LIN9: variants seen among roughly 807,000 people sequenced by gnomAD.
LIN9 encodes the protein protein lin-9 homolog.
LIN9 carries 18 observed loss-of-function variants against 78.0 expected under a neutral mutation model. The ratio of observed to expected loss-of-function variants is 0.23; its 90% CI spans 0.16 to 0.34. The LOEUF is 0.34. LIN9 is among the 10% of genes least tolerant of loss of function. The probability of loss-of-function intolerance (pLI) is 1.00; values close to 1 mark genes in which losing one functional copy is unlikely to be tolerated. For missense variants in LIN9, 451 were observed against 644.1 expected (o/e 0.70, Z 3.25); for synonymous variants, 192 against 215.2 (o/e 0.89, Z 0.94).
At chr1:226,291,666 T>C (rs1661802963) in intron 4 of LIN9, among the ~76,000 whole-genome samples, 1 of 152,158 alleles carries the variant, frequency 6.6e-6, no homozygotes, top group Non-Finnish European at 1.5e-5. Flanking sequence ...TACAGGCAAG[T>C]TGCAAAGATA....
chr1:226,309,447 C>T (rs1047662421), upstream of LIN9: 10 of 1,083,658 alleles, frequency 9.2e-6, no homozygotes, highest in African/African-American at 1.7e-4. Flanking sequence ...AGTACCAGCT[C>T]CGGAGTCCCG....
rs1657408252 is a variant in LIN9 at position 226,232,613 on chromosome 1, A to G, written c.1524-7T>C. On this transcript the variant is annotated splice_region_variant and splice_polypyrimidine_tract_variant and intron_variant, in intron 14 of 14. Coordinates refer to ENST00000681046, the MANE Select transcript of LIN9 (RefSeq NM_001366245.2). ...TACATTATTCTGAAAGCAACTAAAG[A>G]AAGAAGAAACATGGTTAACTACTTT... 6.4e-7 allele frequency: 1 copy of G among 1,562,356 alleles called. No individual in the cohort carries two copies. Among genetic ancestry groups the G allele is most frequent in the Non-Finnish European group, 8.7e-7 (1 of 1,144,914 alleles).
chr1:226,288,894 CA>C (rs1158083299), intron 4 of LIN9, among the ~76,000 whole-genome samples: 1 of 151,778 alleles, frequency 6.6e-6, no homozygotes, highest in African/African-American at 2.4e-5. Flanking sequence ...TTTTCCTAGT[CA>C]AGTTGATTCT....
In LIN9 at chr1:226,306,643, C is replaced by G. The variant is rs917511917; in HGVS notation, c.31+2466G>C. ...TAAATGAGCAAATACATGTAATATC[C>G]TTTGCATGGCATCTGGTTCATAGTA... On this transcript the variant is annotated intron_variant, in intron 1 of 14. Transcript: ENST00000681046. Among the ~76,000 whole-genome samples, 5 of 152,118 alleles carry G rather than the reference C, an allele frequency of 3.3e-5. No individual in the cohort carries two copies. The East Asian group carries it at 9.6e-4, about 29-fold the overall frequency.
chr1:226,243,992 A>G (rs1658296859), intron 11 of LIN9, among the ~76,000 whole-genome samples: 1 of 151,142 alleles, frequency 6.6e-6, no homozygotes, highest in Non-Finnish European at 1.5e-5. Flanking sequence ...CTCCTGCCTC[A>G]GCCTCCCGAA....
intron 11 of LIN9, among the ~76,000 whole-genome samples, chr1:226,245,333 A>G (rs543463278): frequency 1.3e-5 from 2 of 152,266 alleles, no homozygotes; most frequent in African/African-American, 4.8e-5. Context: ...AAGATGTACT[A>G]ATTTATGTGT....
At chr1:226,267,831 C>G in intron 8 of LIN9, 126 bp downstream of exon 8, 1 of 977,220 alleles carries the variant, frequency 1.0e-6, no homozygotes, top group South Asian at 1.9e-5. Flanking sequence ...GGGCTGGGGT[C>G]CCCTAAGGAT....
chr1:226,295,307 G>C (rs1007011503), intron 4 of LIN9, among the ~76,000 whole-genome samples: 2 of 151,814 alleles, frequency 1.3e-5, no homozygotes, highest in Non-Finnish European at 1.5e-5. Flanking sequence ...AAATCAGCTG[G>C]GCGTGGTGGT....
In LIN9 at chr1:226,265,420, T is replaced by A; in HGVS notation, c.1038+113A>T. The A allele has an allele frequency of 1.9e-6, 1 of 539,338 alleles. No individual in the cohort carries two copies. The highest frequency in any genetic ancestry group is 3.3e-6 in the Non-Finnish European group (1 of 304,282). 33.4% of individuals were successfully genotyped at this position (539,338 alleles called of 1,614,324 possible). ...AGGCTTTGTTGGAAATAGCAGCTCT[T>A]AAAACCTACACGGTGATAAACCTAC... On this transcript the variant is annotated intron_variant, in intron 10 of 14. Coordinates refer to ENST00000681046, the MANE Select transcript of LIN9 (RefSeq NM_001366245.2). The surrounding 1 kb of genome is among the most constrained non-coding windows in gnomAD (Gnocchi z 4.1).
chr1:226,251,048 C>A, intron 10 of LIN9, 129 bp from the exon 11 acceptor site: 1 of 516,380 alleles, frequency 1.9e-6, no homozygotes, highest in Non-Finnish European at 3.4e-6. Flanking sequence ...ATATATATAG[C>A]ATAGCATTGT....
rs1430039743 is a variant in LIN9, at chr1:226,266,351, T to C, written c.817-19A>G. The C allele has an allele frequency of 4.4e-6, 7 of 1,573,054 alleles. No homozygotes were observed. The highest frequency in any genetic ancestry group is 6.0e-6 in the Non-Finnish European group (7 of 1,159,376). On this transcript the variant is annotated intron_variant, in intron 8 of 14. Transcript: ENST00000681046. ...CATTACTCTGAGAAAACAGAATAAT[T>C]CACAAAACTTAAAGAAATTTACCAA...
intron 7 of LIN9, among the ~76,000 whole-genome samples, chr1:226,276,665 C>T (rs1018681758): frequency 2.0e-5 from 3 of 152,118 alleles, no homozygotes; most frequent in Admixed American, 6.6e-5. Flanking sequence ...AAACTATTCT[C>T]GAATTACTCC....
chr1:226,256,243 A>G (rs993578243), intron 10 of LIN9, among the ~76,000 whole-genome samples: 53 of 152,092 alleles, frequency 3.5e-4, no homozygotes, highest in African/African-American at 1.3e-3. Flanking sequence ...GGAAAAAAAA[A>G]TCCTGAAAGA....
At chr1:226,269,197 CTG>C (rs1265137257) in intron 7 of LIN9, among the ~76,000 whole-genome samples, 2 of 152,080 alleles carry the variant, frequency 1.3e-5, no homozygotes, top group Non-Finnish European at 2.9e-5. Flanking sequence ...CAATGCAAGA[CTG>C]TTTAAAATAA....
At chr1:226,305,611 AG>A (rs1263116602) in intron 1 of LIN9, among the ~76,000 whole-genome samples, 2 of 118,552 alleles carry the variant, frequency 1.7e-5, no homozygotes, top group Non-Finnish European at 3.4e-5. Context: ...ACTGAAAGTA[AG>A]GGGGGTGTGG....
chr1:226,292,044 T>C (rs1387420110), intron 4 of LIN9, among the ~76,000 whole-genome samples: 3 of 152,208 alleles, frequency 2.0e-5, no homozygotes, highest in African/African-American at 7.2e-5. Context: ...TTCTACTACA[T>C]TATTGACCCA....
At chr1:226,283,002 G>A (rs1442192465) in intron 6 of LIN9, among the ~76,000 whole-genome samples, 1 of 152,188 alleles carries the variant, frequency 6.6e-6, no homozygotes, top group East Asian at 1.9e-4. Flanking sequence ...TGTTGCCCAC[G>A]CTGGAGTGCA....
Position 226,277,944 on chromosome 1 carries a change from T to G in LIN9, c.525-12A>C. On this transcript the variant is annotated splice_polypyrimidine_tract_variant and intron_variant, in intron 6 of 14. Transcript: ENST00000681046. ...ATGCAGAAGAACATCTAGAATAAAT[T>G]ATAAAAAACATACAAACTGATAACT... The G allele has an allele frequency of 6.3e-7, 1 of 1,596,662 alleles. No homozygotes were observed. Among genetic ancestry groups the G allele is most frequent in the South Asian group, 1.1e-5 (1 of 88,426 alleles).
chr1:226,294,133 C>T (rs149164270), intron 4 of LIN9, among the ~76,000 whole-genome samples: 200 of 151,826 alleles, frequency 1.3e-3, no homozygotes, highest in African/African-American at 4.5e-3. Context: ...TGTGGCAAAA[C>T]CCTGTCTCTA....
Sources: allele counts gnomAD v4.1 joint callset (sites outside exome capture counted in the v4.1 genomes callset), GRCh38; gene constraint gnomAD v4.1.1; non-coding constraint Gnocchi (gnomAD v3.1); transcripts MANE v1.5; gene names NCBI Gene and HGNC (gene_info 2026-07-23, HGNC 2026-07-21).